The following CDKL1 variants were observed in gnomAD, a reference collection of about 807,000 sequenced individuals.
CDKL1 encodes the protein cyclin-dependent kinase-like 1.
In CDKL1, 41 loss-of-function variants were observed where a neutral mutation model predicts 42.0. The observed-to-expected ratio is 0.98, with a 90% confidence interval of 0.76 to 1.27. CDKL1 has a LOEUF of 1.27. CDKL1 is among the 50% of genes most tolerant of loss of function. The pLI, the probability that CDKL1 is intolerant of heterozygous loss-of-function variation, is 0.00. For synonymous variants in CDKL1, 153 were observed against 158.6 expected (o/e 0.96, Z 0.26); for missense variants, 394 against 428.4 (o/e 0.92, Z 0.71).
chr14:50,381,975 G>A (rs2034922149), intron 2 of CDKL1, among the ~76,000 whole-genome samples: 1 of 151,942 alleles, frequency 6.6e-6, no homozygotes, highest in African/African-American at 2.4e-5. Context: ...TTCCAGCAAC[G>A]ACAAAAAAAT....
chr14:50,378,135 A>C, intron 2 of CDKL1: 1 of 1,356,400 alleles, frequency 7.4e-7, no homozygotes, highest in Non-Finnish European at 9.8e-7. Flanking sequence ...GGCTAGGAAA[A>C]GCAACTCAGT....
intron 2 of CDKL1, chr14:50,380,201 A>G: frequency 1.9e-6 from 1 of 532,790 alleles, no homozygotes. Flanking sequence ...TGGCAACACA[A>G]CCCTGGTCAA....
chr14:50,344,974 C>T lies in CDKL1; in HGVS notation c.363+12G>A. 6.2e-7 allele frequency: 1 copy of T among 1,609,398 alleles called. No individual in the cohort carries two copies. Among genetic ancestry groups the T allele is most frequent in the Non-Finnish European group, 8.5e-7 (1 of 1,176,024 alleles). ...AGCCTTGTTGCTTTTCAAAAGAGAT[C>T]ATGAGACTTACATTGTGTTTATGGC... On this transcript the variant is annotated intron_variant, in intron 4 of 9. Transcript: ENST00000395834.
At chr14:50,345,683 G>A (rs769102920) in intron 3 of CDKL1, among the ~76,000 whole-genome samples, 8 of 152,110 alleles carry the variant, frequency 5.3e-5, no homozygotes, top group Non-Finnish European at 1.2e-4. Flanking sequence ...CTCCCCCATC[G>A]TAAATTGTTA....
intron 3 of CDKL1, among the ~76,000 whole-genome samples, chr14:50,354,718 A>G (rs1306335929): frequency 1.3e-5 from 2 of 152,202 alleles, no homozygotes; most frequent in African/African-American, 4.8e-5. Context: ...TCGTGGTATA[A>G]ACTTGCTTGT....
At chr14:50,357,932 A>C in intron 3 of CDKL1, 3 of 547,474 alleles carry the variant, frequency 5.5e-6, no homozygotes, top group Non-Finnish European at 9.8e-6. Context: ...TAGGGCTGGG[A>C]GAGAGTGAGA....
intron 3 of CDKL1, chr14:50,357,891 A>C: frequency 2.3e-6 from 1 of 426,220 alleles, no homozygotes. Context: ...ATATAAGGGA[A>C]GCTTATTTGC....
intron 4 of CDKL1, chr14:50,343,156 T>TTTA: frequency 1.4e-5 from 2 of 142,184 alleles, no homozygotes; most frequent in Admixed American, 5.9e-4. Context: ...TAAGAGTTAC[T>TTTA]TTTTTTTTTT....
upstream of CDKL1, chr14:50,396,982 G>A: frequency 1.1e-6 from 1 of 915,298 alleles, no homozygotes; most frequent in Non-Finnish European, 1.5e-6. Context: ...CCCCGGCCCG[G>A]CCCAGCCCGG....
At chr14:50,342,243 A>G in intron 4 of CDKL1, 21 bp from the exon 5 acceptor site, 1 of 1,598,558 alleles carries the variant, frequency 6.3e-7, no homozygotes, top group Non-Finnish European at 8.6e-7. Context: ...AAATCAAAAC[A>G]AAAACAATAT....
chr14:50,343,044 C>CTTAA, intron 4 of CDKL1: 1 of 1,344,328 alleles, frequency 7.4e-7, no homozygotes, highest in Non-Finnish European at 9.9e-7. Flanking sequence ...AGCCAACATT[C>CTTAA]TTAAACAGGG....
intron 2 of CDKL1, among the ~76,000 whole-genome samples, chr14:50,382,440 G>A (rs2034939849): frequency 6.6e-6 from 1 of 151,972 alleles, no homozygotes; most frequent in African/African-American, 2.4e-5. Flanking sequence ...GACAGAGCAA[G>A]ACTCCATCTC....
chr14:50,336,502 G>A (rs2033286227), intron 7 of CDKL1, among the ~76,000 whole-genome samples: 1 of 152,132 alleles, frequency 6.6e-6, no homozygotes, highest in African/African-American at 2.4e-5. Context: ...GACCCACTTT[G>A]AATGCTAGTG....
At chr14:50,396,494 C>T (rs1011964818) in intron 1 of CDKL1, among the ~76,000 whole-genome samples, 165 bp from the exon 2 acceptor site, 2 of 152,324 alleles carry the variant, frequency 1.3e-5, no homozygotes, top group Non-Finnish European at 1.5e-5. Context: ...CTAAAACGAG[C>T]CGAGCTGTAA....
chr14:50,370,060 C>T (rs2034547564), intron 2 of CDKL1, among the ~76,000 whole-genome samples: 2 of 151,478 alleles, frequency 1.3e-5, no homozygotes, highest in African/African-American at 4.8e-5. Context: ...GAAATCTACT[C>T]TTTTAGCAAT....
intron 4 of CDKL1, 50 bp from the exon 5 acceptor site, chr14:50,342,272 G>T: frequency 6.5e-7 from 1 of 1,543,546 alleles, no homozygotes; most frequent in Non-Finnish European, 8.9e-7. Flanking sequence ...AACTATATAT[G>T]GGATAAATGA....
intron 3 of CDKL1, among the ~76,000 whole-genome samples, chr14:50,351,861 A>G (rs1173073826): frequency 6.6e-6 from 1 of 152,200 alleles, no homozygotes; most frequent in African/African-American, 2.4e-5. Context: ...GTATGGTACA[A>G]TGCTCAGCTA....
intron 2 of CDKL1, chr14:50,380,224 G>A (rs377326366): frequency 2.2e-4 from 118 of 532,534 alleles, no homozygotes; most frequent in South Asian, 1.4e-3. Context: ...TAGTAAATCC[G>A]AAGCAAAACT....
Position 50,396,286 on chromosome 14 carries a change from G to A in CDKL1, c.-418C>T, listed in dbSNP as rs1377982546. 2.0e-6 allele frequency: 2 copies of A among 1,024,598 alleles called. No homozygotes were observed. Among genetic ancestry groups the A allele is most frequent in the Middle Eastern group, 4.9e-4 (1 of 2,038 alleles). 63.5% of individuals were successfully genotyped at this position (1,024,598 alleles called of 1,614,324 possible). The stretch of plus-strand genomic sequence containing the variant: ...CGCTTATAAAATATTGGCACCAACG[G>A]ACTGCACTAGAGCCCCACCCAACGA... On this transcript the variant is annotated 5_prime_UTR_variant, in exon 2 of 10. Transcript: ENST00000395834.
Sources: gnomAD v4.1 joint callset for allele counts (sites outside exome capture counted in the v4.1 genomes callset) on GRCh38, gnomAD v4.1.1 for gene constraint, MANE v1.5 for transcripts, NCBI Gene and HGNC (gene_info 2026-07-23, HGNC 2026-07-21) for gene names.